The following MARCHF1 variants were observed in gnomAD, a reference collection of about 807,000 sequenced individuals.
MARCHF1 encodes E3 ubiquitin-protein ligase MARCHF1.
Under a neutral mutation model 54.2 loss-of-function variants are expected in MARCHF1, and 40 were observed. The ratio of observed to expected loss-of-function variants is 0.74; its 90% CI spans 0.57 to 0.96. The LOEUF (loss-of-function observed/expected upper bound fraction) is 0.96, where lower values mean the gene tolerates loss of function less well. Among genes scored for constraint, MARCHF1 ranks in the 40% least tolerant of loss-of-function variants. The pLI is 0.00. For synonymous variants in MARCHF1, 236 were observed against 236.3 expected (o/e 1.00, Z 0.01); for missense variants, 586 against 656.5 (o/e 0.89, Z 1.17).
intron 3 of MARCHF1, among the ~76,000 whole-genome samples, chr4:163,905,734 A>G (rs935143394): frequency 3.3e-5 from 5 of 152,066 alleles, no homozygotes; most frequent in African/African-American, 9.7e-5. Context: ...GAAGACTAAG[A>G]TGATTGTCAG....
At chr4:163,567,950 A>T (rs1169451540) in intron 8 of MARCHF1, among the ~76,000 whole-genome samples, 1 of 152,060 alleles carries the variant, frequency 6.6e-6, no homozygotes, top group Non-Finnish European at 1.5e-5. Flanking sequence ...CTTTCCCATT[A>T]TCTCAAGATA....
intron 4 of MARCHF1, among the ~76,000 whole-genome samples, chr4:163,793,756 C>CTGTTCTGTTCTG (rs1289166206): frequency 1.3e-5 from 2 of 152,054 alleles, no homozygotes; most frequent in African/African-American, 4.8e-5. Context: ...AATCCGTGTC[C>CTGTTCTGTTCTG]TGTTCTGTTC....
At chr4:164,225,314 A>G (rs1732220755) in intron 1 of MARCHF1, among the ~76,000 whole-genome samples, 1 of 152,098 alleles carries the variant, frequency 6.6e-6, no homozygotes, top group South Asian at 2.1e-4. Context: ...ACTTTATACA[A>G]TAAAATGGTG....
intron 1 of MARCHF1, among the ~76,000 whole-genome samples, chr4:164,159,838 C>T (rs1730183086): frequency 2.0e-5 from 3 of 152,232 alleles, no homozygotes; most frequent in Middle Eastern, 3.4e-3. Context: ...CACTTAAAAG[C>T]TGCCTGACTC....
chr4:164,041,271 C>A (rs556741490), intron 2 of MARCHF1, among the ~76,000 whole-genome samples: 5 of 152,212 alleles, frequency 3.3e-5, no homozygotes, highest in Non-Finnish European at 4.4e-5. Context: ...TCCTACTCAC[C>A]AGAACTTCCA....
chr4:163,952,102 C>T (rs893467310), intron 3 of MARCHF1, among the ~76,000 whole-genome samples: 2 of 152,126 alleles, frequency 1.3e-5, no homozygotes, highest in Non-Finnish European at 2.9e-5. Context: ...GCTTGTTTTT[C>T]CCCAAGTAAG....
chr4:164,345,917 G>A (rs1433954758), intron 1 of MARCHF1, among the ~76,000 whole-genome samples: 1 of 151,968 alleles, frequency 6.6e-6, no homozygotes, highest in East Asian at 1.9e-4. Context: ...ATATACTAAA[G>A]CCCATTTTAA....
chr4:163,821,741 TACAGCTTC>T (rs1748698077), intron 4 of MARCHF1, among the ~76,000 whole-genome samples: 1 of 151,570 alleles, frequency 6.6e-6, no homozygotes. Context: ...GGTGGAAAAT[TACAGCTTC>T]AACTCAAATC....
intron 4 of MARCHF1, among the ~76,000 whole-genome samples, chr4:163,819,700 T>A (rs963339658): frequency 8.5e-5 from 13 of 152,098 alleles, no homozygotes; most frequent in African/African-American, 3.1e-4. Flanking sequence ...CAGATGGAAA[T>A]GTCTTTATCG....
Position 163,612,829 on chromosome 4 carries a change from C to T in MARCHF1, c.452G>A (p.Arg151Lys). Residue 151 changes from arginine (R) to lysine (K), a missense_variant, in exon 7 of 10, where the codon AGG becomes AAG. This residue lies in a region of MARCHF1 where 387 missense variants were observed against 394.6 expected (regional missense o/e 0.98). Coordinates refer to ENST00000514618, the MANE Select transcript of MARCHF1 (RefSeq NM_001394959.1). ...NDFHLQISSP[R>K]WRELYTDSSD... ...AGAATCTGTGTAAAGCTCCCTCCAC[C>T]TGGGGCTTGAGATTTGAAGGTGAAA... is the stretch of plus-strand genomic sequence containing the variant. 6.5e-7 allele frequency: 1 copy of T among 1,535,218 alleles called. No individual in the cohort carries two copies. Among genetic ancestry groups the T allele is most frequent in the South Asian group, 1.2e-5 (1 of 84,000 alleles).
chr4:164,118,762 C>T (rs1363095803), intron 1 of MARCHF1, among the ~76,000 whole-genome samples: 1 of 151,334 alleles, frequency 6.6e-6, no homozygotes, highest in African/African-American at 2.4e-5. Flanking sequence ...AACATAGTAG[C>T]TTTCAATTCT....
intron 1 of MARCHF1, among the ~76,000 whole-genome samples, chr4:164,113,762 A>C (rs2110740310): frequency 6.6e-6 from 1 of 152,124 alleles, no homozygotes; most frequent in East Asian, 1.9e-4. Context: ...TTTATCTTTC[A>C]ACACAATCTC....
chr4:164,335,560 C>A (rs1455271900), intron 1 of MARCHF1, among the ~76,000 whole-genome samples: 1 of 139,880 alleles, frequency 7.1e-6, no homozygotes, highest in African/African-American at 2.7e-5. Context: ...CCAGCCTGAG[C>A]AACAAAGCGA....
chr4:163,716,416 T>C (rs1745258959), intron 4 of MARCHF1, among the ~76,000 whole-genome samples: 1 of 152,192 alleles, frequency 6.6e-6, no homozygotes, highest in South Asian at 2.1e-4. Flanking sequence ...CATTCTTAGG[T>C]GTTGATGCTA....
rs375784894 is a variant in MARCHF1, at chr4:164,359,528, AATTTCATC to A, written c.-323+24334_-323+24341del. On this transcript the variant is annotated intron_variant, in intron 1 of 9. Transcript: ENST00000514618. ...CTGATACGCTGTATGTACATTATGG[AATTTCATC>A]ATTTCATCATCCATACTCTATATAG... Among the ~76,000 whole-genome samples, 1,057 of 152,238 alleles carry A rather than the reference AATTTCATC, an allele frequency of 6.9e-3. 4 individuals are homozygous for A. Among genetic ancestry groups the A allele is most frequent in the Non-Finnish European group, 0.011 (722 of 68,018 alleles).
chr4:163,861,137 G>T (rs62350565), intron 3 of MARCHF1, among the ~76,000 whole-genome samples: 1 of 152,036 alleles, frequency 6.6e-6, no homozygotes, highest in Admixed American at 6.6e-5. Context: ...TCCACAAATG[G>T]CTAGAAACCA....
chr4:163,654,665 C>T (rs981568154), intron 5 of MARCHF1, among the ~76,000 whole-genome samples: 3 of 151,628 alleles, frequency 2.0e-5, no homozygotes, highest in Admixed American at 1.3e-4. Flanking sequence ...AGTATATCAA[C>T]TCCAACTTTC....
chr4:163,955,907 T>C (rs1360387979), intron 3 of MARCHF1, among the ~76,000 whole-genome samples: 1 of 152,094 alleles, frequency 6.6e-6, no homozygotes, highest in Non-Finnish European at 1.5e-5. Flanking sequence ...GCTAAAAAGC[T>C]GCTCAAAAAT....
chr4:164,051,943 G>C (rs991959236), intron 2 of MARCHF1, among the ~76,000 whole-genome samples: 5 of 152,052 alleles, frequency 3.3e-5, no homozygotes, highest in African/African-American at 1.2e-4. Flanking sequence ...ATTTTGATTT[G>C]CAGCTACCTA....
Sources: allele counts gnomAD v4.1 joint callset (sites outside exome capture counted in the v4.1 genomes callset), GRCh38; gene constraint gnomAD v4.1.1; regional missense constraint gnomAD v4.1.1; transcripts MANE v1.5; gene names NCBI Gene and HGNC (gene_info 2026-07-23, HGNC 2026-07-21).